ARID1B: variants seen among roughly 807,000 people sequenced by gnomAD.
The protein encoded by ARID1B is AT-rich interaction domain 1B.
A neutral mutation model predicts 212.3 loss-of-function variants in ARID1B; 30 were observed. The observed-to-expected ratio is 0.14, with a 90% CI of 0.11 to 0.19. The LOEUF (loss-of-function observed/expected upper bound fraction) is 0.19. ARID1B is among the 10% of genes least tolerant of loss of function. The pLI, the probability that ARID1B is intolerant of heterozygous loss-of-function variation, is 1.00. For synonymous variants in ARID1B, 1,402 were observed against 1,301.7 expected (o/e 1.08, Z -1.66); for missense variants, 2,891 against 3,204.0 (o/e 0.90, Z 2.36).
At chr6:157,073,220 A>G (rs1191677304) in intron 4 of ARID1B, among the ~76,000 whole-genome samples, 1 of 149,854 alleles carries the variant, frequency 6.7e-6, no homozygotes, top group African/African-American at 2.5e-5. Context: ...CTCCTGCCCC[A>G]GCCTCCTGAA....
chr6:157,136,427 C>G (rs1389678265), intron 7 of ARID1B, among the ~76,000 whole-genome samples: 1 of 152,174 alleles, frequency 6.6e-6, no homozygotes, highest in African/African-American at 2.4e-5. Flanking sequence ...CTCGCGTGGT[C>G]ATTGGCGGTG....
intron 1 of ARID1B, among the ~76,000 whole-genome samples, chr6:156,810,523 C>G (rs1256430046): frequency 6.6e-6 from 1 of 152,184 alleles, no homozygotes; most frequent in Non-Finnish European, 1.5e-5. Flanking sequence ...TATTTCACAG[C>G]CTCTGGTGTC....
intron 4 of ARID1B, among the ~76,000 whole-genome samples, chr6:157,015,153 A>C (rs140134975): frequency 1.3e-5 from 2 of 152,260 alleles, no homozygotes; most frequent in African/African-American, 4.8e-5. Flanking sequence ...CTGTGACTTG[A>C]AGAATAAAGA....
intron 4 of ARID1B, among the ~76,000 whole-genome samples, chr6:157,063,610 G>A (rs956564309): frequency 2.0e-5 from 3 of 152,168 alleles, no homozygotes; most frequent in African/African-American, 7.2e-5. Flanking sequence ...GCACATGTGA[G>A]TTACCAACAT....
chr6:156,846,020 C>T (rs1377332953), intron 2 of ARID1B, among the ~76,000 whole-genome samples: 3 of 152,008 alleles, frequency 2.0e-5, no homozygotes, highest in Non-Finnish European at 4.4e-5. Context: ...ACTCTTATTT[C>T]GTGGCTACAA....
intron 3 of ARID1B, among the ~76,000 whole-genome samples, chr6:156,906,470 G>A (rs560824156): frequency 6.8e-6 from 1 of 147,266 alleles, no homozygotes; most frequent in East Asian, 2.0e-4. Flanking sequence ...GCTTGAACCC[G>A]GGAGGCAGAG....
intron 4 of ARID1B, among the ~76,000 whole-genome samples, chr6:156,997,816 A>G (rs1171350425): frequency 6.6e-6 from 1 of 152,242 alleles, no homozygotes; most frequent in African/African-American, 2.4e-5. Context: ...AACTCTGTAT[A>G]CATATATTAT....
intron 9 of ARID1B, among the ~76,000 whole-genome samples, chr6:157,172,319 T>C (rs1346364998): frequency 6.6e-6 from 1 of 152,186 alleles, no homozygotes; most frequent in Admixed American, 6.5e-5. Context: ...TTCACAAAAA[T>C]AACAGCATTT....
chr6:157,090,842 C>T (rs1246205842), intron 5 of ARID1B, among the ~76,000 whole-genome samples: 2 of 152,130 alleles, frequency 1.3e-5, no homozygotes, highest in Non-Finnish European at 2.9e-5. Context: ...GAGCCACCTT[C>T]ACTGCTCCCA....
At chr6:156,837,855 A>C (rs1783620606) in intron 2 of ARID1B, among the ~76,000 whole-genome samples, 1 of 152,206 alleles carries the variant, frequency 6.6e-6, no homozygotes. Context: ...CCTCGAGAGC[A>C]ACTCTGCAGT....
chr6:156,846,553 G>C lies in ARID1B; in HGVS notation c.1986+17132G>C, dbSNP rs1156598587. On this transcript the variant is annotated intron_variant, in intron 2 of 19. Transcript: ENST00000636930. Reference sequence around the variant, plus strand: ...GAACCGATCGGCACGTTGTGTGTGTGGACGGGGCTGCGGTGGTGGGGAGAG... The same window carrying C: ...GAACCGATCGGCACGTTGTGTGTGTCGACGGGGCTGCGGTGGTGGGGAGAG... Among the ~76,000 whole-genome samples, 6 of 152,218 alleles carry C rather than the reference G, an allele frequency of 3.9e-5. No homozygotes were observed. In the East Asian group the frequency reaches 1.2e-3, roughly 29 times the overall value.
At position 157,045,332 on chromosome 6, in the gene ARID1B, A is replaced by T. The variant is rs570350332; in HGVS notation, c.2248-39330A>T. The stretch of plus-strand genomic sequence containing the variant: ...GCATTGTAAGATTCTACCCAATAAA[A>T]TAGTTATTTCTTTTATGAGTGTAAC... On this transcript the variant is annotated intron_variant, in intron 4 of 19. Coordinates refer to ENST00000636930, the MANE Select transcript of ARID1B (RefSeq NM_001374828.1). Among the ~76,000 whole-genome samples the T allele has an allele frequency of 3.3e-5, 5 of 152,348 alleles. No individual in the cohort carries two copies. In the East Asian group the frequency reaches 9.6e-4, roughly 29 times the overall value.
chr6:156,848,093 T>C (rs552490872), intron 2 of ARID1B, among the ~76,000 whole-genome samples: 1 of 152,352 alleles, frequency 6.6e-6, no homozygotes, highest in South Asian at 2.1e-4. Flanking sequence ...AACTAATGTC[T>C]GTGTTTCAGT....
chr6:156,934,312 C>CAGTT (rs59876731), intron 3 of ARID1B, among the ~76,000 whole-genome samples: 58,258 of 151,684 alleles, frequency 0.38, 12,833 homozygotes, highest in East Asian at 0.68. Flanking sequence ...TGAGCATACA[C>CAGTT]AGGTAGCTAG....
chr6:157,151,583 C>A (rs1166853829), intron 8 of ARID1B: 1 of 152,232 alleles, frequency 6.6e-6, no homozygotes, highest in Non-Finnish European at 1.5e-5. Context: ...CAAAAAGTAT[C>A]TCTTCTTTCC....
At chr6:157,192,748 C>T (rs1032032721) in intron 15 of ARID1B, among the ~76,000 whole-genome samples, 2 of 152,204 alleles carry the variant, frequency 1.3e-5, no homozygotes, top group African/African-American at 2.4e-5. Flanking sequence ...TGCTGCCTTA[C>T]GGTATTGATG....
chr6:157,200,622 G>T lies in ARID1B; in HGVS notation c.4480-83G>T, dbSNP rs560246502. The T allele has an allele frequency of 5.3e-5, 77 of 1,443,356 alleles. 1 individual carries two copies. In the South Asian group the frequency reaches 1.0e-3, roughly 19 times the overall value. 89.4% of individuals were successfully genotyped at this position (1,443,356 alleles called of 1,614,324 possible). On this transcript the variant is annotated intron_variant, in intron 17 of 19. Transcript: ENST00000636930. The surrounding 1 kb of genome is among the most constrained non-coding windows in gnomAD (Gnocchi z 4.3). ...CATTTTGAAATGAACATTCTAGCAG[G>T]TAATAACTATTTTGCATAATTTCAG...
At chr6:156,853,094 G>T (rs926275618) in intron 2 of ARID1B, among the ~76,000 whole-genome samples, 8 of 152,178 alleles carry the variant, frequency 5.3e-5, no homozygotes, top group African/African-American at 1.9e-4. Flanking sequence ...ATGGTATAGG[G>T]TGGTACTTTA....
At chr6:156,988,738 GAC>G (rs1778090829) in intron 4 of ARID1B, among the ~76,000 whole-genome samples, 1 of 152,124 alleles carries the variant, frequency 6.6e-6, no homozygotes, top group African/African-American at 2.4e-5. Flanking sequence ...AATCACTTCC[GAC>G]ACACTTCAGC....
Sources: gnomAD v4.1 joint callset for allele counts (sites outside exome capture counted in the v4.1 genomes callset) on GRCh38, gnomAD v4.1.1 for gene constraint, Gnocchi (gnomAD v3.1) non-coding constraint, MANE v1.5 for transcripts, NCBI Gene and HGNC (gene_info 2026-07-23, HGNC 2026-07-21) for gene names.